Variants in MTO1 observed in about 807,000 individuals in gnomAD.
The protein encoded by MTO1 is 5-taurinomethyluridine-[tRNA] synthase subunit MTO1, mitochondrial.
In MTO1, 46 loss-of-function variants were observed where a neutral mutation model predicts 71.6. The observed-to-expected ratio is 0.64, with a 90% confidence interval of 0.51 to 0.82. The LOEUF is 0.82. MTO1 is among the 40% of genes least tolerant of loss of function. MTO1 has a pLI of 0.00. For synonymous variants in MTO1, 297 were observed against 312.1 expected (o/e 0.95, Z 0.51); for missense variants, 773 against 867.5 (o/e 0.89, Z 1.37).
At chr6:73,464,864 T>C (rs1361352634) in intron 1 of MTO1, among the ~76,000 whole-genome samples, 4 of 144,820 alleles carry the variant, frequency 2.8e-5, no homozygotes. Context: ...AAAAAAAACT[T>C]TTGGAGGTCT....
At chr6:73,467,662 T>G (rs1011798847) in intron 3 of MTO1, among the ~76,000 whole-genome samples, 1 of 140,172 alleles carries the variant, frequency 7.1e-6, no homozygotes, top group African/African-American at 2.6e-5. Flanking sequence ...ATTTAGAAAT[T>G]TATGTGGGAA....
At chr6:73,466,841 T>C (rs1582671199) in intron 3 of MTO1, among the ~76,000 whole-genome samples, 1 of 152,268 alleles carries the variant, frequency 6.6e-6, no homozygotes, top group East Asian at 1.9e-4. Context: ...TGTAGAACTT[T>C]GTAATCTGCA....
At chr6:73,486,981 C>G (rs1438426211) in intron 9 of MTO1, among the ~76,000 whole-genome samples, 2 of 152,062 alleles carry the variant, frequency 1.3e-5, no homozygotes, top group Non-Finnish European at 2.9e-5. Flanking sequence ...TAAATGTCCT[C>G]AGGGTTCATC....
At chr6:73,497,971 T>G in intron 11 of MTO1, 75 bp downstream of exon 11, 1 of 1,303,390 alleles carries the variant, frequency 7.7e-7, no homozygotes, top group Non-Finnish European at 1.1e-6. Context: ...AACCTGGGGT[T>G]ATAATGGCCA....
chr6:73,461,776 G>A lies in MTO1; in HGVS notation c.-79G>A. ...TATTAAAGCAAGATGGCCGCGCCCT[G>A]CAGATTGTCTCTTGTTGCGTAAGTT... On this transcript the variant is annotated 5_prime_UTR_variant, in exon 1 of 12. Transcript: ENST00000498286. 6.8e-7 allele frequency: 1 copy of A among 1,467,004 alleles called. No homozygotes were observed. The highest frequency in any genetic ancestry group is 9.4e-7 in the Non-Finnish European group (1 of 1,064,244). 90.9% of individuals were successfully genotyped at this position (1,467,004 alleles called of 1,614,324 possible).
At chr6:73,471,536 T>C in intron 3 of MTO1, 1 of 431,200 alleles carries the variant, frequency 2.3e-6, no homozygotes, top group South Asian at 1.7e-5. Flanking sequence ...TGCCTCAGCC[T>C]CCTGTGTAGC....
Position 73,507,932 on chromosome 6 carries a change from G to C in MTO1, c.*7197G>C, listed in dbSNP as rs56375536. The C allele has an allele frequency of 2.5e-4, 36 of 143,080 alleles. No homozygotes were observed. The highest frequency in any genetic ancestry group is 8.2e-4 in the African/African-American group (31 of 37,968). The allele number at this position is 143,080 out of a possible 1,614,324, so 8.9% of individuals were successfully genotyped here. On this transcript the variant is annotated 3_prime_UTR_variant, in exon 12 of 12. Transcript: ENST00000498286. ...GCGGAGCTTGCAATGAGCCGAGATC[G>C]CGCCACTGCACTCTAGCCTGGGCGA...
chr6:73,484,285 C>A (rs1771594086), intron 9 of MTO1, among the ~76,000 whole-genome samples: 1 of 152,096 alleles, frequency 6.6e-6, no homozygotes, highest in African/African-American at 2.4e-5. Context: ...ACACCTTAGA[C>A]TGGATAATTT....
Position 73,500,698 on chromosome 6 carries a change from T to A in MTO1, c.2042T>A (p.Leu681Ter). The change falls in exon 12 of 12, where the codon TTA (leucine) becomes TAA (stop). Residue 681 changes from leucine to a stop codon, truncating the protein, a stop_gained. Transcript: ENST00000498286. LOFTEE classifies it high-confidence loss of function. ...GAATCATCCAAGACTGATCAATACT[T>A]ATGTGATGCAGACAGACTTCAAGAG... ...MNESSKTDQYLCDADRLQERE... is the reference protein window; with the variant it reads ...MNESSKTDQY 1 of 1,607,758 alleles carries A rather than the reference T, an allele frequency of 6.2e-7. No individual in the cohort carries two copies. The highest frequency in any genetic ancestry group is 8.5e-7 in the Non-Finnish European group (1 of 1,177,242).
At position 73,473,553 on chromosome 6, in the gene MTO1, C is replaced by T. The variant is rs760652613; in HGVS notation, c.724C>T (p.Arg242Ter). 3.7e-6 allele frequency: 6 copies of T among 1,613,742 alleles called. No homozygotes were observed. Among genetic ancestry groups the T allele is most frequent in the African/African-American group, 2.7e-5 (2 of 74,816 alleles). ...AAGGTTGAAGACTGGGACTCCACCC[C>T]GAATTGCCAAAGAGTCCATTAATTT... Reference protein sequence around the residue: ...VGRLKTGTPPRIAKESINFSI... With the variant: ...VGRLKTGTPP Residue 242 changes from arginine (R) to a stop codon, truncating the protein, a stop_gained, in exon 4 of 12, where the codon CGA becomes TGA. Transcript: ENST00000498286. LOFTEE classifies it high-confidence loss of function.
intron 3 of MTO1, among the ~76,000 whole-genome samples, chr6:73,469,295 G>A (rs1755591352): frequency 6.6e-6 from 1 of 151,950 alleles, no homozygotes. Context: ...TGGGATTACA[G>A]GCATGAGCTG....
At chr6:73,487,249 G>C (rs115128904) in intron 9 of MTO1, among the ~76,000 whole-genome samples, 1,584 of 140,896 alleles carry the variant, frequency 0.011, 22 homozygotes, top group African/African-American at 0.037. Context: ...TCAGATTGGA[G>C]TGGCACAATT....
At chr6:73,496,983 C>T (rs941318957) in intron 10 of MTO1, among the ~76,000 whole-genome samples, 8 of 150,560 alleles carry the variant, frequency 5.3e-5, no homozygotes, top group Admixed American at 2.0e-4. Context: ...GAACCTGGGA[C>T]GTGGAGGTTG....
intron 3 of MTO1, among the ~76,000 whole-genome samples, chr6:73,470,110 G>A (rs1283598465): frequency 6.6e-6 from 1 of 152,202 alleles, no homozygotes; most frequent in Non-Finnish European, 1.5e-5. Context: ...GAGTAATATG[G>A]CTACCCACTA....
chr6:73,487,172 A>G (rs944160599), intron 9 of MTO1, among the ~76,000 whole-genome samples: 1 of 150,772 alleles, frequency 6.6e-6, no homozygotes, highest in Non-Finnish European at 1.5e-5. Context: ...GGGTATACAA[A>G]GATATCTTCA....
At chr6:73,462,301 T>C (rs1413320931) in intron 1 of MTO1, 4 of 581,166 alleles carry the variant, frequency 6.9e-6, no homozygotes, top group Non-Finnish European at 1.2e-5. Context: ...CAGTCGTCCG[T>C]TGTAGGAGGT....
chr6:73,471,352 T>G (rs1771157724), intron 3 of MTO1: 1 of 392,932 alleles, frequency 2.5e-6, no homozygotes. Flanking sequence ...CCCGACTTTC[T>G]TTATTTTCCA....
At chr6:73,466,139 T>C (rs1198357706) in intron 1 of MTO1, 70 bp from the exon 2 acceptor site, 1 of 1,303,722 alleles carries the variant, frequency 7.7e-7, no homozygotes, top group African/African-American at 1.5e-5. Context: ...TGTATAAATG[T>C]TTCCTTATTA....
chr6:73,479,450 A>G (rs558878482), intron 4 of MTO1, among the ~76,000 whole-genome samples: 2 of 152,256 alleles, frequency 1.3e-5, no homozygotes, highest in Non-Finnish European at 2.9e-5. Flanking sequence ...AGCTGAGATC[A>G]CGCTACTGCC....
Sources: allele counts gnomAD v4.1 joint callset (sites outside exome capture counted in the v4.1 genomes callset), GRCh38; gene constraint gnomAD v4.1.1; transcripts MANE v1.5; gene names NCBI Gene and HGNC (gene_info 2026-07-23, HGNC 2026-07-21).